Variants in FARS2 observed in about 807,000 individuals in gnomAD.
FARS2 encodes the protein phenylalanine--tRNA ligase, mitochondrial.
FARS2 carries 40 observed loss-of-function variants against 46.4 expected under a neutral mutation model. That is an observed-to-expected ratio of 0.86 (90% confidence interval 0.67 to 1.12). The LOEUF is 1.12. Ranked by LOEUF, FARS2 falls within the 50% of genes most tolerant of loss-of-function variation. The pLI is 0.00. For missense variants in FARS2, 513 were observed against 567.9 expected, an observed-to-expected ratio of 0.90 and a Z score of 0.98; for synonymous variants, 234 against 214.9, an observed-to-expected ratio of 1.09 and a Z score of -0.78.
intron 1 of FARS2, among the ~76,000 whole-genome samples, chr6:5,293,010 G>A (rs1360090999): frequency 2.0e-5 from 3 of 152,198 alleles, no homozygotes; most frequent in East Asian, 1.9e-4. Flanking sequence ...GGCCAATGCC[G>A]CACAGAATTC....
At position 5,764,968 on chromosome 6, in the gene FARS2, T is replaced by G. The variant is rs73364259; in HGVS notation, c.1218-6323T>G. Among the ~76,000 whole-genome samples, 3,903 of 152,330 alleles carry G rather than the reference T, an allele frequency of 0.026. 174 individuals carry two copies. Among genetic ancestry groups the G allele is most frequent in the African/African-American group, 0.085 (3,546 of 41,554 alleles). On this transcript the variant is annotated intron_variant, in intron 6 of 6. Transcript: ENST00000274680. This position sits in a 1 kb window ranked among gnomAD's most constrained non-coding sequence, Gnocchi z 4.1. ...GGCAGTGCTTTTGGTACTTGTTAGT[T>G]GTATCACTTAAGTTGATCGGGAAAA...
intron 4 of FARS2, among the ~76,000 whole-genome samples, chr6:5,488,509 C>T (rs1766910004): frequency 6.6e-6 from 1 of 152,176 alleles, no homozygotes; most frequent in South Asian, 2.1e-4. Flanking sequence ...GTCATCATTA[C>T]AATGTGTTCA....
chr6:5,315,741 CCTTT>C (rs1554162028), intron 1 of FARS2, among the ~76,000 whole-genome samples: 58 of 60,080 alleles, frequency 9.7e-4, no homozygotes, highest in East Asian at 3.8e-3. Flanking sequence ...TTTCTTTTTT[CCTTT>C]CTTTCTTTCT....
intron 4 of FARS2, among the ~76,000 whole-genome samples, chr6:5,434,671 A>C (rs538141088): frequency 6.6e-6 from 1 of 152,298 alleles, no homozygotes; most frequent in African/African-American, 2.4e-5. Context: ...GCGTGGAGAA[A>C]GACCGAATAG....
intron 4 of FARS2, among the ~76,000 whole-genome samples, chr6:5,541,110 G>A (rs1038819777): frequency 1.3e-5 from 2 of 152,098 alleles, no homozygotes; most frequent in Non-Finnish European, 1.5e-5. Context: ...AACTTTGTGG[G>A]TTTAAATATA....
intron 1 of FARS2, among the ~76,000 whole-genome samples, chr6:5,301,484 G>T (rs1280204644): frequency 1.3e-5 from 2 of 152,078 alleles, no homozygotes; most frequent in Admixed American, 6.6e-5. Flanking sequence ...CAAAGTAACG[G>T]CAAGTTCTCT....
At chr6:5,603,707 A>G (rs548754815) in intron 5 of FARS2, among the ~76,000 whole-genome samples, 20 of 152,210 alleles carry the variant, frequency 1.3e-4, no homozygotes, top group Non-Finnish European at 2.9e-4. Flanking sequence ...CCCCAGTTTG[A>G]TTAGGATACC....
At chr6:5,412,958 A>G (rs1185798165) in intron 3 of FARS2, among the ~76,000 whole-genome samples, 1 of 152,188 alleles carries the variant, frequency 6.6e-6, no homozygotes, top group African/African-American at 2.4e-5. Flanking sequence ...TCAACCTCTG[A>G]GACTTGGGAT....
chr6:5,614,620 C>G (rs1296114090), intron 6 of FARS2, among the ~76,000 whole-genome samples: 1 of 152,172 alleles, frequency 6.6e-6, no homozygotes, highest in African/African-American at 2.4e-5. Flanking sequence ...ACCGTGGTCT[C>G]CATCTCCTGA....
chr6:5,383,916 G>A (rs1288202826), intron 2 of FARS2, among the ~76,000 whole-genome samples: 5 of 152,138 alleles, frequency 3.3e-5, no homozygotes, highest in Non-Finnish European at 7.4e-5. Flanking sequence ...TCATGAATGA[G>A]CTGTTTAGCC....
At chr6:5,512,275 A>G (rs1768505547) in intron 4 of FARS2, among the ~76,000 whole-genome samples, 1 of 152,102 alleles carries the variant, frequency 6.6e-6, no homozygotes, top group Non-Finnish European at 1.5e-5. Context: ...CAGTTCTGGA[A>G]TTGACTTCAG....
chr6:5,307,566 C>T (rs938755640), intron 1 of FARS2, among the ~76,000 whole-genome samples: 8 of 152,186 alleles, frequency 5.3e-5, no homozygotes, highest in Non-Finnish European at 1.0e-4. Flanking sequence ...CACTAGTAAT[C>T]TCAAATGTAC....
chr6:5,510,660 C>T (rs1358803455), intron 4 of FARS2, among the ~76,000 whole-genome samples: 2 of 152,190 alleles, frequency 1.3e-5, no homozygotes, highest in Admixed American at 6.5e-5. Flanking sequence ...CACTCACCAG[C>T]GCTGGCCGCG....
chr6:5,504,469 C>T (rs1052671885), intron 4 of FARS2, among the ~76,000 whole-genome samples: 1 of 138,996 alleles, frequency 7.2e-6, no homozygotes, highest in East Asian at 2.2e-4. Context: ...GAATTGAGAA[C>T]ATTTTCCTTT....
chr6:5,596,959 G>A (rs754432921), intron 5 of FARS2, among the ~76,000 whole-genome samples: 2 of 152,182 alleles, frequency 1.3e-5, no homozygotes, highest in Non-Finnish European at 2.9e-5. Context: ...AGTCCCCCTC[G>A]TGACACCCTG....
chr6:5,361,486 T>C (rs1361987887), intron 1 of FARS2, among the ~76,000 whole-genome samples: 2 of 152,230 alleles, frequency 1.3e-5, no homozygotes, highest in Non-Finnish European at 2.9e-5. Flanking sequence ...TAGTGCTGAA[T>C]TGCTTTCTAG....
At chr6:5,499,960 A>G (rs996795137) in intron 4 of FARS2, among the ~76,000 whole-genome samples, 1 of 152,150 alleles carries the variant, frequency 6.6e-6, no homozygotes, top group African/African-American at 2.4e-5. Flanking sequence ...TTCTCTCTGC[A>G]TACATTAATA....
intron 4 of FARS2, among the ~76,000 whole-genome samples, chr6:5,441,423 C>T (rs891381606): frequency 3.3e-5 from 5 of 152,108 alleles, no homozygotes; most frequent in Non-Finnish European, 5.9e-5. Context: ...TGTATTATTA[C>T]CTTGATTTTC....
intron 6 of FARS2, among the ~76,000 whole-genome samples, chr6:5,613,890 T>C (rs963708835): frequency 1.8e-4 from 28 of 151,442 alleles, no homozygotes; most frequent in Middle Eastern, 6.8e-3. Flanking sequence ...ATGTGGGGAG[T>C]CAGGGCAGGC....
Sources: allele counts gnomAD v4.1 joint callset (sites outside exome capture counted in the v4.1 genomes callset), GRCh38; gene constraint gnomAD v4.1.1; non-coding constraint Gnocchi (gnomAD v3.1); transcripts MANE v1.5; gene names NCBI Gene and HGNC (gene_info 2026-07-23, HGNC 2026-07-21).